DMD: variants seen among roughly 807,000 people sequenced by gnomAD.
The protein encoded by DMD is mutant dystrophin.
Under a neutral mutation model 330.1 loss-of-function variants are expected in DMD, and 63 were observed. The observed-to-expected ratio is 0.19, with a 90% CI of 0.16 to 0.24. DMD has a LOEUF of 0.24. Among genes scored for constraint, DMD ranks in the 10% least tolerant of loss-of-function variants. DMD has a pLI of 1.00. For missense variants in DMD, 3,344 were observed against 2,684.1 expected, an observed-to-expected ratio of 1.25 and a Z score of -5.43; for synonymous variants, 1,223 against 959.8, an observed-to-expected ratio of 1.27 and a Z score of -5.07.
At chrX:32,424,447 T>C (rs1399202125) in intron 29 of DMD, among the ~76,000 whole-genome samples, 16 of 111,686 alleles carry the variant, frequency 1.4e-4, no homozygotes, top group African/African-American at 3.6e-4. Context: ...TTTCAAGTAA[T>C]GATAATCTAT....
At chrX:33,296,082 C>A (rs1310906965) in intron 1 of DMD, among the ~76,000 whole-genome samples, 2 of 111,568 alleles carry the variant, frequency 1.8e-5, no homozygotes, top group Non-Finnish European at 3.8e-5. Context: ...TAAGTTAAAT[C>A]ATATCACATT....
intron 1 of DMD, among the ~76,000 whole-genome samples, chrX:33,067,084 AAC>A (rs1487154373): frequency 4.5e-5 from 5 of 112,295 alleles, no homozygotes; most frequent in African/African-American, 1.6e-4. Context: ...AGAGACAGAA[AAC>A]ACAGTTAAAT....
At chrX:31,630,715 A>G (rs1009005769) in intron 54 of DMD, among the ~76,000 whole-genome samples, 1 of 111,729 alleles carries the variant, frequency 9.0e-6, no homozygotes, top group African/African-American at 3.2e-5. Flanking sequence ...AAAAAAAACC[A>G]AAGGTCTTGA....
intron 42 of DMD, among the ~76,000 whole-genome samples, chrX:32,299,432 G>C (rs1212812448): frequency 9.1e-6 from 1 of 109,748 alleles, no homozygotes; most frequent in Non-Finnish European, 1.9e-5. Context: ...TGCCAGCAGA[G>C]ACACTTGAAA....
chrX:33,015,906 A>G lies in DMD; in HGVS notation c.93+4233T>C, dbSNP rs778102740. 8.1e-5 allele frequency among the ~76,000 whole-genome samples: 9 copies of G among 111,050 alleles called. No homozygotes were observed. In the South Asian group the frequency reaches 3.5e-3, roughly 43 times the overall value. On this transcript the variant is annotated intron_variant, in intron 2 of 78. Transcript: ENST00000357033. Reference sequence around the variant, plus strand: ...GAACTATTGTGGCAGGCCAGGTCTCACTAATGCAGGCCTCCACAACAACTG... The same window carrying G: ...GAACTATTGTGGCAGGCCAGGTCTCGCTAATGCAGGCCTCCACAACAACTG...
At chrX:31,984,343 T>C (rs1365942168) in intron 44 of DMD, among the ~76,000 whole-genome samples, 2 of 112,396 alleles carry the variant, frequency 1.8e-5, no homozygotes, top group Admixed American at 1.9e-4. Flanking sequence ...AGCTGCTATA[T>C]TAGAATGTCA....
intron 44 of DMD, among the ~76,000 whole-genome samples, chrX:32,197,507 T>C (rs1202853568): frequency 1.8e-5 from 2 of 111,645 alleles, no homozygotes; most frequent in Non-Finnish European, 3.8e-5. Context: ...ACTTAAGATA[T>C]AGTTGGTTCA....
At chrX:32,882,890 A>G (rs2149212662) in intron 2 of DMD, among the ~76,000 whole-genome samples, 1 of 112,566 alleles carries the variant, frequency 8.9e-6, no homozygotes, top group East Asian at 2.8e-4. Flanking sequence ...TTAGGAAGAC[A>G]TTGAGCTAAA....
At chrX:32,736,479 C>T (rs1020078793) in intron 7 of DMD, among the ~76,000 whole-genome samples, 3 of 110,113 alleles carry the variant, frequency 2.7e-5, no homozygotes, top group Admixed American at 9.6e-5. Context: ...ATGTTTATTG[C>T]GGCATTATTC....
At chrX:32,144,363 A>T (rs2147095734) in intron 44 of DMD, among the ~76,000 whole-genome samples, 1 of 112,171 alleles carries the variant, frequency 8.9e-6, no homozygotes, top group East Asian at 2.8e-4. Context: ...TTAAAATAGT[A>T]TCAAAAGCAA....
At chrX:33,038,654 C>T (rs1296836655) in intron 1 of DMD, among the ~76,000 whole-genome samples, 3 of 111,665 alleles carry the variant, frequency 2.7e-5, no homozygotes, top group Non-Finnish European at 1.9e-5. Context: ...AATTATGTGA[C>T]AGTAGATATG....
intron 4 of DMD, among the ~76,000 whole-genome samples, chrX:32,829,719 A>AC (rs1348565622): frequency 2.7e-5 from 3 of 111,956 alleles, no homozygotes; most frequent in African/African-American, 9.7e-5. Context: ...CACTATGCCT[A>AC]CATCATTAGA....
intron 76 of DMD, among the ~76,000 whole-genome samples, chrX:31,141,906 T>C (rs992532294): frequency 1.8e-5 from 2 of 111,197 alleles, no homozygotes; most frequent in Middle Eastern, 4.6e-3. Flanking sequence ...CTTGATGTGA[T>C]GTACTGAGGA....
In DMD at chrX:32,786,086, AGTGTGTGTGTGTGT is replaced by A. The variant is rs368269067; in HGVS notation, c.649+23393_649+23406del. Among the ~76,000 whole-genome samples, 866 of 96,550 alleles carry A rather than the reference AGTGTGTGTGTGTGT, an allele frequency of 9.0e-3. 4 individuals carry two copies. Among genetic ancestry groups the A allele is most frequent in the Non-Finnish European group, 0.014 (651 of 47,798 alleles). 83.8% of individuals were successfully genotyped at this position (96,550 alleles called of 115,157 possible). ...CTCTTGCCTCTTGAGGAGGAATAAGAGTGTGTGTGTGTGTGTGTGTGTGTGTGTGTGTGTGTATT... is the reference window on the plus strand; with the variant it reads ...CTCTTGCCTCTTGAGGAGGAATAAGAGTGTGTGTGTGTGTGTGTGTGTATT... On this transcript the variant is annotated intron_variant, in intron 7 of 78. Transcript: ENST00000357033.
At position 32,764,690 on chromosome X, in the gene DMD, G is replaced by C. The variant is rs184092324; in HGVS notation, c.649+44803C>G. On this transcript the variant is annotated intron_variant, in intron 7 of 78. Coordinates refer to ENST00000357033, the MANE Select transcript of DMD (RefSeq NM_004006.3). ...CATTTTGTTTATCCATTCATCTTCA[G>C]ATGGACATTTGAGTTGCTCCATCTT... is the stretch of plus-strand genomic sequence containing the variant. Among the ~76,000 whole-genome samples the C allele has an allele frequency of 4.8e-3, 533 of 111,967 alleles. 2 individuals are homozygous for C. Among genetic ancestry groups the C allele is most frequent in the Non-Finnish European group, 7.5e-3 (398 of 53,175 alleles).
At chrX:31,253,535 T>C (rs772540757) in intron 63 of DMD, among the ~76,000 whole-genome samples, 1 of 110,636 alleles carries the variant, frequency 9.0e-6, no homozygotes, top group Non-Finnish European at 1.9e-5. Flanking sequence ...AAGAGGAGAG[T>C]GAACAAATAA....
intron 11 of DMD, among the ~76,000 whole-genome samples, chrX:32,617,273 T>G (rs1420645793): frequency 1.8e-5 from 2 of 111,534 alleles, no homozygotes; most frequent in African/African-American, 6.5e-5. Context: ...TATGGTTCTT[T>G]GGAAGGATGT....
rs763461124 is a variant in DMD, at chrX:32,807,431, G to A, written c.649+2062C>T. On this transcript the variant is annotated intron_variant, in intron 7 of 78. Transcript: ENST00000357033. ...AGATATGAGATTTTATTGGGAAAAC[G>A]AGACCATAAGCAGTGGCTGGATCTT... is the stretch of plus-strand genomic sequence containing the variant. Among the ~76,000 whole-genome samples, 4 of 111,279 alleles carry A rather than the reference G, an allele frequency of 3.6e-5. No homozygotes were observed. In the South Asian group the frequency reaches 1.5e-3, roughly 42 times the overall value.
chrX:32,659,866 C>G (rs1039766504), intron 9 of DMD, among the ~76,000 whole-genome samples: 4 of 110,539 alleles, frequency 3.6e-5, no homozygotes, highest in African/African-American at 1.3e-4. Flanking sequence ...CTTCCTATTC[C>G]TTTCCTATTC....
Sources: allele counts gnomAD v4.1 joint callset (sites outside exome capture counted in the v4.1 genomes callset), GRCh38; gene constraint gnomAD v4.1.1; transcripts MANE v1.5; gene names NCBI Gene and HGNC (gene_info 2026-07-23, HGNC 2026-07-21).